Variants in TET1 observed in about 807,000 individuals in gnomAD.
TET1 encodes methylcytosine dioxygenase TET1.
In TET1, 13 loss-of-function variants were observed where a neutral mutation model predicts 148.7. That is an observed-to-expected ratio of 0.09 (90% CI 0.06 to 0.14). The LOEUF is 0.14. Ranked by LOEUF, TET1 falls within the 10% of genes least tolerant of loss-of-function variation. The pLI is 1.00. For missense variants in TET1, 2,182 were observed against 2,553.8 expected, an observed-to-expected ratio of 0.85 and a Z score of 3.14; for synonymous variants, 907 against 937.2, an observed-to-expected ratio of 0.97 and a Z score of 0.59.
At position 68,644,751 on chromosome 10, in the gene TET1, C is replaced by T. The variant is rs2133082675; in HGVS notation, c.2022C>T (p.Tyr674=). 6.2e-7 allele frequency: 1 copy of T among 1,610,574 alleles called. No homozygotes were observed. Among genetic ancestry groups the T allele is most frequent in the Non-Finnish European group, 8.5e-7 (1 of 1,179,100 alleles). ...GCCCCAAGTCAGAATCCATGGACTA[C>T]AGTAGATGTGGTCATGGGGAAGAAC... ...VNGPKSESMD[Y]SRCGHGEEQK... The change falls in exon 4 of 12, where the codon TAC becomes TAT. Residue 674 remains tyrosine (Y), a synonymous_variant. Coordinates refer to ENST00000373644, the MANE Select transcript of TET1 (RefSeq NM_030625.3).
intron 3 of TET1, chr10:68,632,334 A>T: frequency 6.5e-7 from 1 of 1,531,104 alleles, no homozygotes; most frequent in Non-Finnish European, 8.9e-7. Flanking sequence ...AAAAAAAAGA[A>T]AGGGTGCAGG....
rs1241056232 is a variant in TET1, at chr10:68,667,177, C to T, written c.4594C>T (p.Arg1532Trp). Residue 1532 changes from arginine (R) to tryptophan (W), a missense_variant, in exon 7 of 12, where the codon CGG becomes TGG. By Grantham distance (101) the Arg-to-Trp change is moderately radical. Transcript: ENST00000373644. ...TGGCATCCCTCTTCCAATGGCCGAC[C>T]GGCTATACACAGAGCTCACAGAGAA... ...WDGIPLPMADRLYTELTENLK... is the reference protein window; with the variant it reads ...WDGIPLPMADWLYTELTENLK... The T allele has an allele frequency of 1.9e-6, 3 of 1,613,890 alleles. No homozygotes were observed. The highest frequency in any genetic ancestry group is 4.5e-5 in the East Asian group (2 of 44,886).
At chr10:68,673,960 CTT>C (rs869073350) in intron 8 of TET1, among the ~76,000 whole-genome samples, 3,716 of 71,868 alleles carry the variant, frequency 0.052, 61 homozygotes, top group African/African-American at 0.19. Flanking sequence ...TTTTCTTTTT[CTT>C]TTTTTTTTTT....
chr10:68,576,575 T>A (rs2053733887), intron 2 of TET1, among the ~76,000 whole-genome samples: 1 of 151,952 alleles, frequency 6.6e-6, no homozygotes, highest in South Asian at 2.1e-4. Context: ...AGTGAGAGGA[T>A]CGCCTGATCC....
At position 68,572,967 on chromosome 10, in the gene TET1, C is replaced by T; in HGVS notation, c.629C>T (p.Ala210Val). 6.2e-7 allele frequency: 1 copy of T among 1,614,124 alleles called. No individual in the cohort carries two copies. The highest frequency in any genetic ancestry group is 8.5e-7 in the Non-Finnish European group (1 of 1,180,036). The change falls in exon 2 of 12, where the codon GCA becomes GTA. Residue 210 changes from alanine (A) to valine (V), a missense_variant. This residue lies in a region of TET1 where 665 missense variants were observed against 672.4 expected (regional missense o/e 0.99). Transcript: ENST00000373644. The part of the protein sequence containing the change: ...KINIPTHSGP[A>V]AEILPGPLEG... Reference sequence around the variant, plus strand: ...AATATCCCTACCCACAGTGGCCCTGCAGCTGAGATCCTTCCTGGGCCACTG... The same window carrying T: ...AATATCCCTACCCACAGTGGCCCTGTAGCTGAGATCCTTCCTGGGCCACTG...
rs896621723 is a variant in TET1 at position 68,683,040 on chromosome 10, G to A, written c.5052+67G>A. On this transcript the variant is annotated intron_variant, in intron 10 of 11. Transcript: ENST00000373644. ...TATATGCTTAGGCTGCAGTCCTTAC[G>A]TATACTGTGATGACTATTACTGTGA... The A allele has an allele frequency of 1.2e-4, 184 of 1,528,338 alleles. 1 individual carries two copies. The highest frequency in any genetic ancestry group is 1.4e-4 in the Non-Finnish European group (160 of 1,123,924). 94.7% of individuals were successfully genotyped at this position (1,528,338 alleles called of 1,614,324 possible).
At chr10:68,625,709 C>T (rs143814265) in intron 3 of TET1, among the ~76,000 whole-genome samples, 172 of 152,228 alleles carry the variant, frequency 1.1e-3, no homozygotes, top group African/African-American at 4.1e-3. Flanking sequence ...TTGTGTAACA[C>T]CAATCTTTTT....
At chr10:68,641,281 C>G (rs924829417) in intron 3 of TET1, among the ~76,000 whole-genome samples, 5 of 151,960 alleles carry the variant, frequency 3.3e-5, no homozygotes, top group African/African-American at 1.2e-4. Context: ...CGGCTCACTG[C>G]AACCTCTACC....
At chr10:68,659,960 A>T (rs1481786722) in intron 6 of TET1, among the ~76,000 whole-genome samples, 1 of 152,172 alleles carries the variant, frequency 6.6e-6, no homozygotes, top group Non-Finnish European at 1.5e-5. Context: ...GCTTTAAATG[A>T]TGTTAACTGG....
chr10:68,624,632 CTTTCTTTCTT>C (rs2054431483), intron 3 of TET1, among the ~76,000 whole-genome samples: 2 of 41,974 alleles, frequency 4.8e-5, no homozygotes, highest in African/African-American at 3.1e-4. Flanking sequence ...TTCTTTCTTT[CTTTCTTTCTT>C]TCTTTCTTTC....
intron 3 of TET1, among the ~76,000 whole-genome samples, chr10:68,609,369 C>T (rs890615826): frequency 6.6e-6 from 1 of 152,160 alleles, no homozygotes; most frequent in African/African-American, 2.4e-5. Context: ...CCATGTTGGT[C>T]AGGCTGGTCT....
chr10:68,665,933 T>C (rs1440235214), intron 6 of TET1, among the ~76,000 whole-genome samples: 1 of 152,158 alleles, frequency 6.6e-6, no homozygotes, highest in Non-Finnish European at 1.5e-5. Context: ...TCTCAAGTTT[T>C]GTAATATTAT....
chr10:68,608,384 C>T (rs1023249797), intron 3 of TET1, among the ~76,000 whole-genome samples: 1 of 151,040 alleles, frequency 6.6e-6, no homozygotes, highest in Non-Finnish European at 1.5e-5. Flanking sequence ...TACAGGCGTC[C>T]GCCACCATGC....
chr10:68,661,553 C>T (rs569967794), intron 6 of TET1, among the ~76,000 whole-genome samples: 28 of 151,970 alleles, frequency 1.8e-4, no homozygotes, highest in African/African-American at 5.1e-4. Flanking sequence ...AGTACAGTGG[C>T]GCAACTCACT....
intron 4 of TET1, among the ~76,000 whole-genome samples, chr10:68,649,770 C>G (rs922053096): frequency 4.6e-5 from 7 of 152,094 alleles, no homozygotes; most frequent in African/African-American, 1.7e-4. Flanking sequence ...GTTTGAAGAC[C>G]CTTTCCTTAT....
intron 8 of TET1, among the ~76,000 whole-genome samples, chr10:68,680,511 A>AT (rs1250792388): frequency 3.3e-5 from 5 of 152,054 alleles, no homozygotes; most frequent in Non-Finnish European, 4.4e-5. Context: ...CGGCCAGCTA[A>AT]TTTTTTTTAT....
At chr10:68,686,813 T>A (rs542926892) in intron 11 of TET1, 106 bp downstream of exon 11, 1 of 992,512 alleles carries the variant, frequency 1.0e-6, no homozygotes, top group African/African-American at 1.6e-5. Flanking sequence ...ACACTGAATA[T>A]ATTTTTACAT....
intron 2 of TET1, among the ~76,000 whole-genome samples, chr10:68,596,744 A>C (rs2053993305): frequency 6.6e-6 from 1 of 152,192 alleles, no homozygotes; most frequent in Non-Finnish European, 1.5e-5. Flanking sequence ...TTTGGAGTTA[A>C]TGTTAGTTCT....
Position 68,601,779 on chromosome 10 carries a change from G to C in TET1, c.1968+745G>C, listed in dbSNP as rs182924885. 2.4e-3 allele frequency among the ~76,000 whole-genome samples: 363 copies of C among 152,208 alleles called. 3 individuals are homozygous for C. Among genetic ancestry groups the C allele is most frequent in the African/African-American group, 8.1e-3 (335 of 41,564 alleles). ...TTATGTGTTTAAGATTTCAAGTGGT[G>C]TATTGCTATTACAAATGTAAGCAAC... On this transcript the variant is annotated intron_variant, in intron 3 of 11. Coordinates refer to ENST00000373644, the MANE Select transcript of TET1 (RefSeq NM_030625.3).
Sources: gnomAD v4.1 joint callset for allele counts (sites outside exome capture counted in the v4.1 genomes callset) on GRCh38, gnomAD v4.1.1 for gene constraint, gnomAD v4.1.1 regional missense constraint, MANE v1.5 for transcripts, NCBI Gene and HGNC (gene_info 2026-07-23, HGNC 2026-07-21) for gene names.